NELL1: variants seen among roughly 807,000 people sequenced by gnomAD.
NELL1 encodes neural EGFL like 1.
Under a neutral mutation model 107.4 loss-of-function variants are expected in NELL1, and 76 were observed. The ratio of observed to expected loss-of-function variants is 0.71; its 90% confidence interval spans 0.59 to 0.86. The LOEUF (loss-of-function observed/expected upper bound fraction) is 0.86. NELL1 is among the 40% of genes least tolerant of loss of function. The pLI, the probability that NELL1 is intolerant of heterozygous loss-of-function variation, is 0.00. For synonymous variants in NELL1, 353 were observed against 341.2 expected, an observed-to-expected ratio of 1.03 and a Z score of -0.38; for missense variants, 1,024 against 1,005.5, an observed-to-expected ratio of 1.02 and a Z score of -0.25.
chr11:20,720,645 G>T (rs1855359529), intron 2 of NELL1, among the ~76,000 whole-genome samples: 1 of 152,134 alleles, frequency 6.6e-6, no homozygotes, highest in Non-Finnish European at 1.5e-5. Flanking sequence ...GGTGGAGTTG[G>T]TTCCTTCTGA....
At chr11:21,246,270 C>T (rs991116446) in intron 14 of NELL1, among the ~76,000 whole-genome samples, 1 of 152,114 alleles carries the variant, frequency 6.6e-6, no homozygotes, top group Non-Finnish European at 1.5e-5. Context: ...ATGTCTGAGG[C>T]AATCAGCTAT....
chr11:21,173,614 A>G (rs1233352881), intron 13 of NELL1, among the ~76,000 whole-genome samples: 1 of 151,942 alleles, frequency 6.6e-6, no homozygotes, highest in East Asian at 1.9e-4. Flanking sequence ...ATGAAATGAT[A>G]GGACACAATC....
intron 15 of NELL1, among the ~76,000 whole-genome samples, chr11:21,410,479 T>C (rs1852348713): frequency 6.6e-6 from 1 of 152,154 alleles, no homozygotes; most frequent in Admixed American, 6.6e-5. Context: ...CCATCTTTTA[T>C]ATTTTTTATT....
intron 17 of NELL1, among the ~76,000 whole-genome samples, chr11:21,560,645 G>A (rs1856826734): frequency 6.6e-6 from 1 of 152,056 alleles, no homozygotes; most frequent in Non-Finnish European, 1.5e-5. Context: ...GCCAATGATA[G>A]TCCTCCCACT....
chr11:21,229,403 C>T lies in NELL1; in HGVS notation c.1498C>T (p.His500Tyr), dbSNP rs750637414. The change falls in exon 14 of 20, where the codon CAC (histidine) becomes TAC (tyrosine). Residue 500 changes from histidine to tyrosine, a missense_variant. By Grantham distance (83) the His-to-Tyr change is moderately conservative (BLOSUM62 2). Transcript: ENST00000357134. ...NAICTNTVQG[H>Y]SCTCKPGYVG... Reference sequence around the variant, plus strand: ...CATCTGCACCAACACTGTCCAGGGACACAGCTGCACCTGCAAACCGGGCTA... The same window carrying T: ...CATCTGCACCAACACTGTCCAGGGATACAGCTGCACCTGCAAACCGGGCTA... 1.9e-6 allele frequency: 3 copies of T among 1,614,008 alleles called. No individual in the cohort carries two copies. Among genetic ancestry groups the T allele is most frequent in the Non-Finnish European group, 2.5e-6 (3 of 1,179,920 alleles).
At chr11:21,130,674 A>C (rs1855595587) in intron 13 of NELL1, among the ~76,000 whole-genome samples, 1 of 152,220 alleles carries the variant, frequency 6.6e-6, no homozygotes, top group South Asian at 2.1e-4. Flanking sequence ...TTCAGATAAG[A>C]AAAGAATATT....
chr11:21,472,964 C>G (rs899393256), intron 15 of NELL1, among the ~76,000 whole-genome samples: 1 of 151,860 alleles, frequency 6.6e-6, no homozygotes, highest in African/African-American at 2.4e-5. Context: ...AATGGAGACA[C>G]AAAGATTAAT....
intron 12 of NELL1, among the ~76,000 whole-genome samples, chr11:21,043,216 T>C (rs1478565873): frequency 3.9e-5 from 6 of 152,148 alleles, no homozygotes; most frequent in Non-Finnish European, 8.8e-5. Context: ...ATTGTGCACC[T>C]ACTATGACTG....
chr11:21,082,767 CTG>C (rs1461555466), intron 12 of NELL1, among the ~76,000 whole-genome samples: 1 of 152,196 alleles, frequency 6.6e-6, no homozygotes, highest in Admixed American at 6.5e-5. Context: ...TATTCTCACT[CTG>C]TGTCTTAGTC....
chr11:21,144,319 C>A (rs1454393144), intron 13 of NELL1, among the ~76,000 whole-genome samples: 3 of 152,120 alleles, frequency 2.0e-5, no homozygotes, highest in African/African-American at 7.2e-5. Flanking sequence ...GTTTTTCTTA[C>A]ACATTTGTAT....
At chr11:21,428,017 GC>G (rs1193536518) in intron 15 of NELL1, among the ~76,000 whole-genome samples, 6 of 152,336 alleles carry the variant, frequency 3.9e-5, no homozygotes, top group Non-Finnish European at 8.8e-5. Context: ...TGATCCTGAA[GC>G]TGAATAGACA....
At chr11:20,897,519 T>C (rs924786943) in intron 5 of NELL1, among the ~76,000 whole-genome samples, 1 of 152,244 alleles carries the variant, frequency 6.6e-6, no homozygotes, top group African/African-American at 2.4e-5. Flanking sequence ...AAGGACTTCA[T>C]GTCTAAAACA....
At chr11:21,390,205 T>TC (rs1458923528) in intron 15 of NELL1, among the ~76,000 whole-genome samples, 1 of 151,694 alleles carries the variant, frequency 6.6e-6, no homozygotes, top group Non-Finnish European at 1.5e-5. Flanking sequence ...GCTTGTAAAG[T>TC]ACCTATTTAA....
At chr11:21,421,657 T>TA (rs34992377) in intron 15 of NELL1, among the ~76,000 whole-genome samples, 65,182 of 151,654 alleles carry the variant, frequency 0.43, 14,428 homozygotes, top group African/African-American at 0.52. Flanking sequence ...CCAGGAGATT[T>TA]AAAGAGCCAG....
chr11:20,827,828 A>G (rs905199568), intron 3 of NELL1, among the ~76,000 whole-genome samples: 7 of 151,242 alleles, frequency 4.6e-5, no homozygotes, highest in African/African-American at 1.2e-4. Flanking sequence ...TAAAAACACA[A>G]TATTCTCTGT....
At chr11:20,836,924 C>T (rs1374782207) in intron 3 of NELL1, among the ~76,000 whole-genome samples, 1 of 151,968 alleles carries the variant, frequency 6.6e-6, no homozygotes, top group Non-Finnish European at 1.5e-5. Flanking sequence ...AACCTTACAG[C>T]ACAGAGAGTA....
chr11:21,573,285 C>G lies in NELL1; in HGVS notation c.2258C>G (p.Pro753Arg). The G allele has an allele frequency of 1.9e-6, 3 of 1,612,514 alleles. No individual in the cohort carries two copies. Among genetic ancestry groups the G allele is most frequent in the Non-Finnish European group, 2.5e-6 (3 of 1,179,078 alleles). The change falls in exon 19 of 20, where the codon CCC (proline) becomes CGC (arginine). Residue 753 changes from proline (P) to arginine (R), a missense_variant. Pro to Arg is a moderately radical substitution (Grantham distance 103, BLOSUM62 -2). Coordinates refer to ENST00000357134, the MANE Select transcript of NELL1 (RefSeq NM_006157.5). ...TGTTGTCCCCGCTGTGTCAGTGACC[C>G]CTGCCTAGCTGATAACATCACCTAT... ...GECCPRCVSD[P>R]CLADNITYDI...
intron 2 of NELL1, among the ~76,000 whole-genome samples, chr11:20,726,490 A>G (rs951618082): frequency 1.3e-5 from 2 of 152,098 alleles, no homozygotes. Flanking sequence ...AGTTTTGCAT[A>G]GTATTGAACT....
At chr11:21,417,904 C>G (rs1852558631) in intron 15 of NELL1, among the ~76,000 whole-genome samples, 1 of 151,986 alleles carries the variant, frequency 6.6e-6, no homozygotes, top group Non-Finnish European at 1.5e-5. Flanking sequence ...CTCCAAATCC[C>G]ATCCAGCTCA....
Sources: allele counts gnomAD v4.1 joint callset (sites outside exome capture counted in the v4.1 genomes callset), GRCh38; gene constraint gnomAD v4.1.1; transcripts MANE v1.5; gene names NCBI Gene and HGNC (gene_info 2026-07-23, HGNC 2026-07-21).